Variants in CELF2 observed in about 807,000 individuals in gnomAD.
CELF2 encodes the protein CUGBP Elav-like family member 2.
CELF2 carries 8 observed loss-of-function variants against 62.6 expected under a neutral mutation model. The observed-to-expected ratio is 0.13, with a 90% CI of 0.07 to 0.23. The LOEUF (loss-of-function observed/expected upper bound fraction) is 0.23, where lower values mean the gene tolerates loss of function less well. Among genes scored for constraint, CELF2 ranks in the 10% least tolerant of loss-of-function variants. The probability of loss-of-function intolerance (pLI) is 1.00; values close to 1 mark genes in which losing one functional copy is unlikely to be tolerated. For missense variants in CELF2, 333 were observed against 671.0 expected (o/e 0.50, Z 5.56); for synonymous variants, 258 against 250.0 (o/e 1.03, Z -0.30).
In CELF2 at chr10:11,244,376, G is replaced by A. The variant is rs533876184; in HGVS notation, c.355-4777G>A. On this transcript the variant is annotated intron_variant, in intron 3 of 12. Coordinates refer to ENST00000633077, the MANE Select transcript of CELF2 (RefSeq NM_001326342.2). This position sits in a 1 kb window ranked among gnomAD's most constrained non-coding sequence, Gnocchi z 4.2. ...TTCTTTTTAACAACTTCCATTGGCC[G>A]GGCGTGGTGGCTCACGCCTATAATC... is the stretch of plus-strand genomic sequence containing the variant. Among the ~76,000 whole-genome samples the A allele has an allele frequency of 5.9e-5, 9 of 152,322 alleles. No homozygotes were observed. Among genetic ancestry groups the A allele is most frequent in the South Asian group, 2.1e-4 (1 of 4,828 alleles).
At chr10:10,677,514 G>C in the CELF2 span, among the ~76,000 whole-genome samples, 23 of 152,116 alleles carry the variant, frequency 1.5e-4, 1 homozygote, top group African/African-American at 5.3e-4. Context: ...TATCCCTGGG[G>C]CCCCAATACT....
rs538386992 is a variant in CELF2 at position 11,304,093 on chromosome 10, T to C, written c.977-10046T>C. On this transcript the variant is annotated intron_variant, in intron 9 of 12. Transcript: ENST00000633077. ...CTCATGGCTTAAAACAACACATTTA[T>C]TATGTTGCAGTTCTGTAGATGAGGA... Among the ~76,000 whole-genome samples, 21 of 152,254 alleles carry C rather than the reference T, an allele frequency of 1.4e-4. No individual in the cohort carries two copies. The South Asian group carries it at 3.3e-3, about 24-fold the overall frequency.
rs763386932 is a variant in CELF2, at chr10:10,957,822, A to T, written c.89+37823A>T. On this transcript the variant is annotated intron_variant, in intron 2 of 13. Transcript: ENST00000636488. The surrounding 1 kb of genome is among the most constrained non-coding windows in gnomAD (Gnocchi z 4.1). ...GGTTTTCCCCATCTTCCTAATTGGGATCACATTCTCTGCTAAGTCTTCTTC... is the reference window on the plus strand; with the variant it reads ...GGTTTTCCCCATCTTCCTAATTGGGTTCACATTCTCTGCTAAGTCTTCTTC... Among the ~76,000 whole-genome samples, 1 of 152,204 alleles carries T rather than the reference A, an allele frequency of 6.6e-6. No homozygotes were observed. Among genetic ancestry groups the T allele is most frequent in the Non-Finnish European group, 1.5e-5 (1 of 68,040 alleles).
chr10:10,757,294 C>CA, the CELF2 span, among the ~76,000 whole-genome samples: 24,259 of 150,910 alleles, frequency 0.16, 2,162 homozygotes, highest in East Asian at 0.3. Flanking sequence ...CCCTTCTCTA[C>CA]AAAAAAATAA....
chr10:10,995,718 A>G lies in CELF2; in HGVS notation c.89+75719A>G, dbSNP rs1054900602. Among the ~76,000 whole-genome samples the G allele has an allele frequency of 3.9e-5, 6 of 152,166 alleles. No homozygotes were observed. The highest frequency in any genetic ancestry group is 3.3e-4 in the Admixed American group (5 of 15,280). On this transcript the variant is annotated intron_variant, in intron 2 of 13. Transcript: ENST00000636488. The surrounding 1 kb of genome is among the most constrained non-coding windows in gnomAD (Gnocchi z 4.7). ...AATAACTCTGGCTGAAATGTGTAGC[A>G]TGGATCAGAGCCAGAGAGACTAGGG...
rs753928225 is a variant in CELF2 at position 11,112,098 on chromosome 10, C to T, written c.75-53388C>T. Among the ~76,000 whole-genome samples, 45 of 152,196 alleles carry T rather than the reference C, an allele frequency of 3.0e-4. 2 individuals are homozygous for T. The highest frequency in any genetic ancestry group is 2.9e-3 in the Admixed American group (45 of 15,284). On this transcript the variant is annotated intron_variant, in intron 1 of 12. Coordinates refer to ENST00000633077, the MANE Select transcript of CELF2 (RefSeq NM_001326342.2). ...TTAGATATTTGTACCTTTACATATA[C>T]ATGGAATAGTACAGCAGAACTTTCT...
intron 1 of CELF2, among the ~76,000 whole-genome samples, chr10:10,801,070 G>A (rs776725258): frequency 4.0e-5 from 4 of 98,940 alleles, no homozygotes; most frequent in African/African-American, 8.6e-5. Context: ...GTCTTAACCC[G>A]TTTTTAAAAA....
At chr10:10,468,734 A>T in the CELF2 span, among the ~76,000 whole-genome samples, 5,595 of 152,078 alleles carry the variant, frequency 0.037, 149 homozygotes, top group Non-Finnish European at 0.057. Context: ...CATCCTCAAC[A>T]CTGTTCTCAT....
At chr10:10,753,462 C>T in the CELF2 span, among the ~76,000 whole-genome samples, 2 of 152,156 alleles carry the variant, frequency 1.3e-5, no homozygotes, top group East Asian at 3.9e-4. Flanking sequence ...TTCCAATCCA[C>T]TTAAAAGGAG....
At chr10:10,508,660 A>ATGTATGTGTGTG in the CELF2 span, among the ~76,000 whole-genome samples, 25 of 140,798 alleles carry the variant, frequency 1.8e-4, no homozygotes, top group Middle Eastern at 3.5e-3. Context: ...TCTTAAACAG[A>ATGTATGTGTGTG]TGTGTGTGTG....
chr10:11,183,271 G>A (rs1042405957), intron 2 of CELF2, among the ~76,000 whole-genome samples: 4 of 152,132 alleles, frequency 2.6e-5, no homozygotes, highest in Non-Finnish European at 4.4e-5. Flanking sequence ...ATTCATCCCC[G>A]TCACTCATTG....
At chr10:11,233,582 A>G (rs923775303) in intron 3 of CELF2, among the ~76,000 whole-genome samples, 3 of 152,210 alleles carry the variant, frequency 2.0e-5, no homozygotes, top group Admixed American at 6.5e-5. Flanking sequence ...AAATTCCAGT[A>G]CTAAAATTAC....
rs556740821 is a variant in CELF2 at position 10,822,132 on chromosome 10, G to A, written c.53+23315G>A. Among the ~76,000 whole-genome samples the A allele has an allele frequency of 1.4e-3, 207 of 152,298 alleles. No homozygotes were observed. In the South Asian group the frequency reaches 0.018, roughly 13 times the overall value. Reference sequence around the variant, plus strand: ...GTACCACGTTGTGCTGTGGTTGCTTGTTCTAGAGCCTGTGTTTCCTCTGCA... The same window carrying A: ...GTACCACGTTGTGCTGTGGTTGCTTATTCTAGAGCCTGTGTTTCCTCTGCA... On this transcript the variant is annotated intron_variant, in intron 1 of 13. Transcript: ENST00000636488.
At chr10:10,585,779 A>G in the CELF2 span, among the ~76,000 whole-genome samples, 1 of 152,232 alleles carries the variant, frequency 6.6e-6, no homozygotes, top group Non-Finnish European at 1.5e-5. Context: ...AAGGATCCCA[A>G]TACATTTCAA....
intron 1 of CELF2, among the ~76,000 whole-genome samples, chr10:11,080,081 G>T (rs2773492): frequency 0.061 from 9,215 of 152,218 alleles, 483 homozygotes; most frequent in African/African-American, 0.15. Flanking sequence ...AAAGAGCTTT[G>T]CACTTGACAG....
intron 1 of CELF2, among the ~76,000 whole-genome samples, chr10:10,855,506 C>A (rs780968278): frequency 6.6e-6 from 1 of 152,178 alleles, no homozygotes; most frequent in African/African-American, 2.4e-5. Flanking sequence ...CAGATTTAAT[C>A]CTTTCATATC....
intron 1 of CELF2, among the ~76,000 whole-genome samples, chr10:10,813,609 A>G (rs962524336): frequency 2.0e-5 from 3 of 152,234 alleles, no homozygotes; most frequent in Non-Finnish European, 2.9e-5. Context: ...AACATAACAT[A>G]CATTATCCAG....
At chr10:10,680,144 CGTATGTAT>C in the CELF2 span, among the ~76,000 whole-genome samples, 1,016 of 150,752 alleles carry the variant, frequency 6.7e-3, 2 homozygotes, top group Non-Finnish European at 8.6e-3. Context: ...TATGTATGTA[CGTATGTAT>C]GTATGTATGT....
the CELF2 span, among the ~76,000 whole-genome samples, chr10:10,619,455 G>A: frequency 7.9e-5 from 12 of 152,186 alleles, no homozygotes; most frequent in African/African-American, 7.2e-5. Context: ...AGAACAGCTC[G>A]TACATTCATA....
Sources: allele counts gnomAD v4.1 joint callset (sites outside exome capture counted in the v4.1 genomes callset), GRCh38; gene constraint gnomAD v4.1.1; non-coding constraint Gnocchi (gnomAD v3.1); transcripts MANE v1.5; gene names NCBI Gene and HGNC (gene_info 2026-07-23, HGNC 2026-07-21).